The following FGF12 variants were observed in gnomAD, a reference collection of about 807,000 sequenced individuals.
FGF12 encodes the protein fibroblast growth factor 12, also known as fibroblast growth factor 12B.
A neutral mutation model predicts 23.6 loss-of-function variants in FGF12; 14 were observed. The observed-to-expected ratio is 0.59, with a 90% CI of 0.39 to 0.93. The LOEUF is 0.93. Ranked by LOEUF, FGF12 falls within the 40% of genes least tolerant of loss-of-function variation. FGF12 has a pLI of 0.00. For missense variants in FGF12, 175 were observed against 217.8 expected, an observed-to-expected ratio of 0.80 and a Z score of 1.24; for synonymous variants, 62 against 77.3, an observed-to-expected ratio of 0.80 and a Z score of 1.04.
At chr3:192,544,380 C>A (rs935540952) in intron 2 of FGF12, among the ~76,000 whole-genome samples, 6 of 152,082 alleles carry the variant, frequency 3.9e-5, no homozygotes, top group Non-Finnish European at 8.8e-5. Context: ...TATGAAGGTG[C>A]TTTTTTGTGT....
intron 2 of FGF12, among the ~76,000 whole-genome samples, chr3:192,642,884 G>A (rs1156902508): frequency 6.6e-6 from 1 of 152,198 alleles, no homozygotes; most frequent in Non-Finnish European, 1.5e-5. Flanking sequence ...GGAGCTTCAT[G>A]GGGAGTCCTG....
At chr3:192,148,752 A>G (rs938586858) in intron 5 of FGF12, among the ~76,000 whole-genome samples, 1 of 152,208 alleles carries the variant, frequency 6.6e-6, no homozygotes. Context: ...ATAATAAAAA[A>G]CATTAGTTTT....
At chr3:192,373,483 T>C (rs1253472799) in intron 2 of FGF12, among the ~76,000 whole-genome samples, 1 of 152,190 alleles carries the variant, frequency 6.6e-6, no homozygotes, top group East Asian at 1.9e-4. Flanking sequence ...TTAATAGATA[T>C]ATCTTTTACC....
chr3:192,385,579 A>C (rs1576935317), intron 2 of FGF12, among the ~76,000 whole-genome samples: 1 of 152,080 alleles, frequency 6.6e-6, no homozygotes, highest in Admixed American at 6.6e-5. Context: ...CTCATAGTTC[A>C]GACCTCTTCT....
At chr3:192,414,129 C>T (rs942972509) in intron 2 of FGF12, among the ~76,000 whole-genome samples, 1 of 152,008 alleles carries the variant, frequency 6.6e-6, no homozygotes, top group Non-Finnish European at 1.5e-5. Flanking sequence ...GGTATCATTG[C>T]CCAAAAAGGG....
intron 2 of FGF12, among the ~76,000 whole-genome samples, chr3:192,596,094 AAATAT>A (rs58052704): frequency 0.031 from 3,090 of 99,460 alleles, 118 homozygotes; most frequent in Admixed American, 0.14. Flanking sequence ...CCTGACTCAA[AAATAT>A]AATATAATAT....
chr3:192,288,563 G>A lies in FGF12; in HGVS notation c.228+46798C>T, dbSNP rs542773408. ...CTTGTATCTTAATTGATGATTCCAC[G>A]TTTCCACTTAACAGCCTGAAAGTTC... is the stretch of plus-strand genomic sequence containing the variant. On this transcript the variant is annotated intron_variant, in intron 4 of 5. Transcript: ENST00000445105. Among the ~76,000 whole-genome samples, 3 of 151,888 alleles carry A rather than the reference G, an allele frequency of 2.0e-5. No individual in the cohort carries two copies. The East Asian group carries it at 5.8e-4, about 29-fold the overall frequency.
intron 2 of FGF12, among the ~76,000 whole-genome samples, chr3:192,605,378 T>G (rs1435681562): frequency 1.1e-5 from 1 of 94,530 alleles, no homozygotes; most frequent in Non-Finnish European, 2.3e-5. Context: ...AGACTCCGTC[T>G]CAAAAAAAAA....
intron 4 of FGF12, among the ~76,000 whole-genome samples, chr3:192,208,613 G>A (rs1717771935): frequency 2.0e-5 from 3 of 151,956 alleles, no homozygotes; most frequent in Admixed American, 6.6e-5. Flanking sequence ...GATATTTCAC[G>A]AGAATACATT....
chr3:192,471,137 C>A (rs536717155), intron 2 of FGF12, among the ~76,000 whole-genome samples: 7 of 152,138 alleles, frequency 4.6e-5, no homozygotes, highest in Non-Finnish European at 1.0e-4. Flanking sequence ...GTACTAGGAA[C>A]GGTGCCTGGC....
chr3:192,303,733 C>T (rs967461801), intron 4 of FGF12, among the ~76,000 whole-genome samples: 1 of 152,164 alleles, frequency 6.6e-6, no homozygotes, highest in Non-Finnish European at 1.5e-5. Flanking sequence ...CCCATGTGTT[C>T]TGAGGCATGA....
chr3:192,552,782 T>C (rs1057346736), intron 2 of FGF12, among the ~76,000 whole-genome samples: 5 of 152,010 alleles, frequency 3.3e-5, no homozygotes, highest in African/African-American at 1.2e-4. Context: ...CACCAGCTAC[T>C]CCGGAGGCTG....
intron 4 of FGF12, among the ~76,000 whole-genome samples, chr3:192,247,932 A>G (rs918820414): frequency 3.3e-5 from 5 of 152,160 alleles, no homozygotes; most frequent in Non-Finnish European, 5.9e-5. Flanking sequence ...AAAAATTAGG[A>G]CTTTTTAAAT....
At chr3:192,436,532 G>A (rs909634535) in intron 2 of FGF12, among the ~76,000 whole-genome samples, 1 of 152,202 alleles carries the variant, frequency 6.6e-6, no homozygotes, top group Non-Finnish European at 1.5e-5. Context: ...TTGTAAACGA[G>A]CAATCATGAA....
intron 2 of FGF12, among the ~76,000 whole-genome samples, chr3:192,591,800 G>A (rs927104566): frequency 3.9e-5 from 6 of 152,016 alleles, no homozygotes; most frequent in East Asian, 1.9e-4. Context: ...AGCCCTTCAC[G>A]TTATAGATGG....
chr3:192,358,601 C>T (rs750859655), intron 3 of FGF12, among the ~76,000 whole-genome samples: 8 of 151,756 alleles, frequency 5.3e-5, no homozygotes, highest in African/African-American at 9.7e-5. Context: ...GTTCACCCAG[C>T]GTCAGCAGAG....
At chr3:192,198,588 G>A (rs772565480) in intron 4 of FGF12, among the ~76,000 whole-genome samples, 2 of 152,172 alleles carry the variant, frequency 1.3e-5, no homozygotes, top group Non-Finnish European at 2.9e-5. Context: ...GTGCCTATGA[G>A]TCTAAAATAG....
chr3:192,693,148 C>A (rs1054316026), intron 2 of FGF12, among the ~76,000 whole-genome samples: 10 of 151,058 alleles, frequency 6.6e-5, no homozygotes, highest in African/African-American at 2.2e-4. Flanking sequence ...TAAATATTAC[C>A]TGTCCAAAAA....
chr3:192,720,117 C>A (rs1718994669), intron 2 of FGF12, among the ~76,000 whole-genome samples: 1 of 152,228 alleles, frequency 6.6e-6, no homozygotes, highest in Non-Finnish European at 1.5e-5. Flanking sequence ...GCAGTCTAGT[C>A]CCTTTGGGTT....
Sources: allele counts gnomAD v4.1 joint callset (sites outside exome capture counted in the v4.1 genomes callset), GRCh38; gene constraint gnomAD v4.1.1; transcripts MANE v1.5; gene names NCBI Gene and HGNC (gene_info 2026-07-23, HGNC 2026-07-21).